CERS4: variants seen among roughly 807,000 people sequenced by gnomAD.
CERS4 encodes ceramide synthase 4.
Under a neutral mutation model 51.8 loss-of-function variants are expected in CERS4, and 65 were observed. The observed-to-expected ratio is 1.26, with a 90% confidence interval of 1.03 to 1.54. The LOEUF is 1.54. CERS4 is among the 40% of genes most tolerant of loss of function. The probability of loss-of-function intolerance (pLI) is 0.00; values close to 1 mark genes in which losing one functional copy is unlikely to be tolerated. For missense variants in CERS4, 563 were observed against 500.4 expected (o/e 1.13, Z -1.19); for synonymous variants, 228 against 208.4 (o/e 1.09, Z -0.81).
chr19:8,259,322 C>A (rs957021663), intron 10 of CERS4, among the ~76,000 whole-genome samples: 1 of 152,024 alleles, frequency 6.6e-6, no homozygotes, highest in African/African-American at 2.4e-5. Flanking sequence ...GGGCCTGAGG[C>A]AAGACCATGC....
chr19:8,247,272 C>G (rs1207992227), intron 2 of CERS4, among the ~76,000 whole-genome samples: 2 of 152,076 alleles, frequency 1.3e-5, no homozygotes, highest in Non-Finnish European at 2.9e-5. Context: ...CCTCTCTCCC[C>G]CTTGCTCACT....
chr19:8,255,961 G>A lies in CERS4; in HGVS notation c.468+82G>A. 2.7e-6 allele frequency: 4 copies of A among 1,458,084 alleles called. 1 individual carries two copies. The South Asian group carries it at 4.6e-5, about 17-fold the overall frequency. The allele number at this position is 1,458,084 out of a possible 1,614,324, so 90.3% of individuals were successfully genotyped here. ...CTGGCAGGAGTGGGGGTGTGGAGTGGTGCAGCCAGAGAGGAAAACATGCAG... is the reference window on the plus strand; with the variant it reads ...CTGGCAGGAGTGGGGGTGTGGAGTGATGCAGCCAGAGAGGAAAACATGCAG... On this transcript the variant is annotated intron_variant, in intron 6 of 11. Transcript: ENST00000251363.
At chr19:8,220,396 G>A (rs1033660194) in intron 2 of CERS4, among the ~76,000 whole-genome samples, 10 of 151,972 alleles carry the variant, frequency 6.6e-5, no homozygotes, top group Admixed American at 2.6e-4. Context: ...TCTCCACCTC[G>A]CAGGTTCAAG....
chr19:8,240,290 C>G (rs574112094), intron 2 of CERS4, among the ~76,000 whole-genome samples: 18 of 152,160 alleles, frequency 1.2e-4, no homozygotes, highest in African/African-American at 4.3e-4. Context: ...AAGGCGGAAC[C>G]TTGAACTTGG....
At chr19:8,251,036 G>A in intron 2 of CERS4, 40 bp from the exon 3 acceptor site, 3 of 1,538,418 alleles carry the variant, frequency 2.0e-6, no homozygotes, top group Non-Finnish European at 2.6e-6. Context: ...CACCCATTCT[G>A]CTTGCAGACC....
chr19:8,246,115 C>A (rs1483622165), intron 2 of CERS4, among the ~76,000 whole-genome samples: 1 of 150,034 alleles, frequency 6.7e-6, no homozygotes, highest in Non-Finnish European at 1.5e-5. Context: ...AACAAAAAAA[C>A]TGGAATGGTT....
At chr19:8,252,072 A>AC (rs1969112924) in intron 3 of CERS4, among the ~76,000 whole-genome samples, 1 of 151,584 alleles carries the variant, frequency 6.6e-6, no homozygotes, top group Admixed American at 6.6e-5. Flanking sequence ...ATTAAAAAAA[A>AC]AAAAATACAA....
chr19:8,227,986 C>A (rs1455073969), intron 2 of CERS4, among the ~76,000 whole-genome samples: 1 of 152,040 alleles, frequency 6.6e-6, no homozygotes, highest in Non-Finnish European at 1.5e-5. Flanking sequence ...CTCAGCCTCC[C>A]GAGTAGCTGG....
At chr19:8,237,815 C>A (rs1054216148) in intron 2 of CERS4, among the ~76,000 whole-genome samples, 8 of 152,120 alleles carry the variant, frequency 5.3e-5, no homozygotes, top group Non-Finnish European at 1.0e-4. Flanking sequence ...TGCGCCACTG[C>A]ACACCAGCCT....
At chr19:8,245,122 A>ACAAAACAAACAAAAACAAAAAAAAC (rs755450125) in intron 2 of CERS4, among the ~76,000 whole-genome samples, 1 of 129,258 alleles carries the variant, frequency 7.7e-6, no homozygotes, top group Non-Finnish European at 1.6e-5. Flanking sequence ...AAAAAAAAAA[A>ACAAAACAAACAAAAACAAAAAAAAC]AAAAAAAAAA....
intron 2 of CERS4, among the ~76,000 whole-genome samples, chr19:8,226,597 G>A (rs1043249935): frequency 7.2e-5 from 11 of 152,180 alleles, no homozygotes; most frequent in South Asian, 2.1e-4. Context: ...CACCAAAGGG[G>A]CTGATCTTGA....
intron 2 of CERS4, among the ~76,000 whole-genome samples, chr19:8,219,531 T>TG (rs1967442558): frequency 6.6e-6 from 1 of 151,982 alleles, no homozygotes; most frequent in African/African-American, 2.4e-5. Context: ...ATTAGCTGGG[T>TG]GAGGGCTGGG....
rs762090871 is a variant in CERS4, at chr19:8,255,695, C to T, written c.380C>T (p.Pro127Leu). ...CGGAGACGCCGGAACCAGGATCGAC[C>T]CCAGCTGACCAAGAAGTTCTGTGAG... ...WFRRRRNQDRPQLTKKFCEAS... is the reference protein window; with the variant it reads ...WFRRRRNQDRLQLTKKFCEAS... Residue 127 changes from proline to leucine, a missense_variant, in exon 5 of 12, where the codon CCC (proline) becomes CTC (leucine). Coordinates refer to ENST00000251363, the MANE Select transcript of CERS4 (RefSeq NM_024552.3). 6 of 1,613,028 alleles carry T rather than the reference C, an allele frequency of 3.7e-6. No individual in the cohort carries two copies. Among genetic ancestry groups the T allele is most frequent in the Non-Finnish European group, 5.1e-6 (6 of 1,179,740 alleles).
At chr19:8,236,089 C>T (rs752360776) in intron 2 of CERS4, among the ~76,000 whole-genome samples, 3 of 151,874 alleles carry the variant, frequency 2.0e-5, no homozygotes, top group Non-Finnish European at 1.5e-5. Context: ...CCAGCTACTC[C>T]GGGGGCTGAG....
intron 9 of CERS4, 37 bp from the exon 10 acceptor site, chr19:8,257,842 T>C: frequency 2.0e-6 from 3 of 1,535,376 alleles, no homozygotes; most frequent in Non-Finnish European, 2.7e-6. Flanking sequence ...ACCAGGGCCC[T>C]GGTCCTGAGC....
intron 2 of CERS4, among the ~76,000 whole-genome samples, chr19:8,211,377 A>G (rs1214069047): frequency 6.6e-6 from 1 of 151,980 alleles, no homozygotes; most frequent in Non-Finnish European, 1.5e-5. Context: ...GCTGGGCTTG[A>G]GCCTGACCAC....
At chr19:8,252,912 C>T (rs1969161321) in intron 3 of CERS4, among the ~76,000 whole-genome samples, 1 of 152,184 alleles carries the variant, frequency 6.6e-6, no homozygotes, top group Non-Finnish European at 1.5e-5. Flanking sequence ...TTCACCTGCT[C>T]ACAGTGTCAC....
chr19:8,219,127 A>C (rs910855532), intron 2 of CERS4, among the ~76,000 whole-genome samples: 1 of 152,160 alleles, frequency 6.6e-6, no homozygotes, highest in African/African-American at 2.4e-5. Context: ...GAATCACTTG[A>C]ACCCAGGAGG....
At chr19:8,254,437 C>CCACA (rs200462750) in intron 3 of CERS4, 62 bp from the exon 4 acceptor site, 2 of 1,509,078 alleles carry the variant, frequency 1.3e-6, no homozygotes, top group African/African-American at 1.4e-5. Context: ...ATGTCTGCCC[C>CCACA]CACACACAGG....
Sources: allele counts gnomAD v4.1 joint callset (sites outside exome capture counted in the v4.1 genomes callset), GRCh38; gene constraint gnomAD v4.1.1; transcripts MANE v1.5; gene names NCBI Gene and HGNC (gene_info 2026-07-23, HGNC 2026-07-21).